TMEM87B: variants seen among roughly 807,000 people sequenced by gnomAD.
TMEM87B encodes transmembrane protein 87B.
In TMEM87B, 83 loss-of-function variants were observed where a neutral mutation model predicts 80.3. That is an observed-to-expected ratio of 1.03 (90% CI 0.87 to 1.24). TMEM87B has a LOEUF of 1.24. Ranked by LOEUF, TMEM87B falls within the 50% of genes most tolerant of loss-of-function variation. The pLI is 0.00. For missense variants in TMEM87B, 625 were observed against 674.4 expected, an observed-to-expected ratio of 0.93 and a Z score of 0.81; for synonymous variants, 219 against 230.5, an observed-to-expected ratio of 0.95 and a Z score of 0.45.
rs1679002035 is a variant in TMEM87B, at chr2:112,081,623, ATATAT to A, written c.838+110_838+114del. On this transcript the variant is annotated intron_variant, in intron 8 of 18. Transcript: ENST00000283206. Reference sequence around the variant, plus strand: ...CTTCTGAACAGTGGTTTGGAAACAGATATATTATAGATGAAGAGAAGGAAAGCCAA... The same window carrying A: ...CTTCTGAACAGTGGTTTGGAAACAGATATAGATGAAGAGAAGGAAAGCCAA... The A allele has an allele frequency of 4.7e-5, 48 of 1,020,928 alleles. 1 individual carries two copies. In the South Asian group the frequency reaches 8.3e-4, roughly 18 times the overall value. 63.2% of individuals were successfully genotyped at this position (1,020,928 alleles called of 1,614,324 possible).
intron 17 of TMEM87B, among the ~76,000 whole-genome samples, chr2:112,108,221 C>G (rs1424563929): frequency 6.6e-6 from 1 of 152,112 alleles, no homozygotes; most frequent in South Asian, 2.1e-4. Context: ...GTATAGGAAT[C>G]CCCTCTGGAA....
At chr2:112,109,089 A>G (rs1233005222) in intron 17 of TMEM87B, among the ~76,000 whole-genome samples, 1 of 152,210 alleles carries the variant, frequency 6.6e-6, no homozygotes, top group Non-Finnish European at 1.5e-5. Flanking sequence ...AAATATATTT[A>G]ACTATGGAAT....
intron 5 of TMEM87B, among the ~76,000 whole-genome samples, chr2:112,075,481 T>C (rs908636017): frequency 2.6e-5 from 4 of 152,214 alleles, no homozygotes; most frequent in East Asian, 1.9e-4. Flanking sequence ...CTTAAAGCAA[T>C]TTAAGATGCA....
rs759572966 is a variant in TMEM87B, at chr2:112,066,915, A to G, written c.319-21A>G. 1.7e-5 allele frequency: 27 copies of G among 1,550,090 alleles called. 1 individual carries two copies. The South Asian group carries it at 3.2e-4, about 19-fold the overall frequency. Reference sequence around the variant, plus strand: ...AAGAAGTGTGGGAATAAATTATAACATAGAATTTTACCTTATATAGGAGCT... The same window carrying G: ...AAGAAGTGTGGGAATAAATTATAACGTAGAATTTTACCTTATATAGGAGCT... On this transcript the variant is annotated intron_variant, in intron 3 of 18. Transcript: ENST00000283206.
intron 8 of TMEM87B, among the ~76,000 whole-genome samples, chr2:112,083,622 C>A (rs905955374): frequency 6.6e-6 from 1 of 152,168 alleles, no homozygotes; most frequent in Non-Finnish European, 1.5e-5. Flanking sequence ...GCCAGAGAGT[C>A]TGATTAGGGC....
chr2:112,077,170 A>AT, intron 5 of TMEM87B, 22 bp from the exon 6 acceptor site: 3 of 1,429,264 alleles, frequency 2.1e-6, no homozygotes, highest in Admixed American at 2.0e-5. Flanking sequence ...ATAATGAAGA[A>AT]TTTTTTTCAC....
intron 4 of TMEM87B, among the ~76,000 whole-genome samples, chr2:112,071,436 G>C (rs2104464725): frequency 6.6e-6 from 1 of 152,036 alleles, no homozygotes; most frequent in African/African-American, 2.4e-5. Flanking sequence ...TGAGTAGCTG[G>C]GATTACAGGC....
chr2:112,067,190 G>C, intron 4 of TMEM87B, 123 bp downstream of exon 4: 3 of 1,299,404 alleles, frequency 2.3e-6, no homozygotes, highest in Non-Finnish European at 3.2e-6. Flanking sequence ...TTAAAATAAA[G>C]TTTATTTTAT....
chr2:112,110,918 T>G (rs1679894105), intron 17 of TMEM87B, among the ~76,000 whole-genome samples: 1 of 152,148 alleles, frequency 6.6e-6, no homozygotes, highest in Non-Finnish European at 1.5e-5. Context: ...AAGTCACTGG[T>G]TTTATTCAGT....
chr2:112,077,356 A>G (rs1430024816), intron 6 of TMEM87B, 74 bp downstream of exon 6: 5 of 688,910 alleles, frequency 7.3e-6, no homozygotes, highest in East Asian at 2.8e-5. Context: ...ACCTGAGTCA[A>G]CATTCTCTGT....
At chr2:112,098,489 G>A in intron 13 of TMEM87B, 106 bp from the exon 14 acceptor site, 1 of 980,626 alleles carries the variant, frequency 1.0e-6, no homozygotes, top group Non-Finnish European at 1.6e-6. Context: ...AAGACTTACT[G>A]GTTGGAAAGA....
chr2:112,095,430 G>A, intron 11 of TMEM87B: 2 of 983,408 alleles, frequency 2.0e-6, no homozygotes, highest in Non-Finnish European at 2.4e-6. Context: ...CTTGGTAAGT[G>A]GAGGCTTAGG....
At chr2:112,081,760 T>A (rs1046432798) in intron 8 of TMEM87B, among the ~76,000 whole-genome samples, 3 of 152,146 alleles carry the variant, frequency 2.0e-5, no homozygotes, top group African/African-American at 7.2e-5. Context: ...CTGGGAAAAA[T>A]AAAAGTCCCG....
chr2:112,106,360 C>T (rs1295407212), intron 16 of TMEM87B, among the ~76,000 whole-genome samples: 3 of 152,154 alleles, frequency 2.0e-5, no homozygotes, highest in Non-Finnish European at 4.4e-5. Flanking sequence ...AGGCCTACCC[C>T]GGACGCTCCT....
At chr2:112,056,579 C>G (rs1418535867) in intron 1 of TMEM87B, among the ~76,000 whole-genome samples, 1 of 152,124 alleles carries the variant, frequency 6.6e-6, no homozygotes, top group Non-Finnish European at 1.5e-5. Flanking sequence ...TCTCTGGGGT[C>G]AGATGACTCA....
Position 112,081,048 on chromosome 2 carries a change from C to A in TMEM87B, c.593-9C>A. On this transcript the variant is annotated splice_polypyrimidine_tract_variant and intron_variant, in intron 6 of 18. Transcript: ENST00000283206. ...CTGTTAATTAACTCTCTCTTCTTCT[C>A]TATCCTAGTTTCTCTTTCTATGATT... The A allele has an allele frequency of 1.2e-6, 2 of 1,609,894 alleles. No individual in the cohort carries two copies. Among genetic ancestry groups the A allele is most frequent in the South Asian group, 1.1e-5 (1 of 90,854 alleles).
chr2:112,066,096 A>C (rs973328189), intron 3 of TMEM87B, among the ~76,000 whole-genome samples: 3 of 152,226 alleles, frequency 2.0e-5, no homozygotes, highest in Non-Finnish European at 4.4e-5. Flanking sequence ...TTTTGAAACT[A>C]TGTAAATATG....
intron 18 of TMEM87B, among the ~76,000 whole-genome samples, 174 bp downstream of exon 18, chr2:112,113,103 A>T (rs1679964966): frequency 7.0e-6 from 1 of 143,796 alleles, no homozygotes; most frequent in South Asian, 2.2e-4. Flanking sequence ...TAAAGTCCCC[A>T]TTTCAAACAA....
At chr2:112,083,813 T>C (rs1679068480) in intron 8 of TMEM87B, among the ~76,000 whole-genome samples, 1 of 152,194 alleles carries the variant, frequency 6.6e-6, no homozygotes, top group Non-Finnish European at 1.5e-5. Flanking sequence ...TGTGACTATG[T>C]AGACAGCATT....
Sources: allele counts gnomAD v4.1 joint callset (sites outside exome capture counted in the v4.1 genomes callset), GRCh38; gene constraint gnomAD v4.1.1; transcripts MANE v1.5; gene names NCBI Gene and HGNC (gene_info 2026-07-23, HGNC 2026-07-21).